Variants in PRMT8 observed in about 807,000 individuals in gnomAD.
The protein encoded by PRMT8 is protein arginine methyltransferase 8.
PRMT8 carries 7 observed loss-of-function variants against 47.1 expected under a neutral mutation model. That is an observed-to-expected ratio of 0.15 (90% confidence interval 0.08 to 0.28). The LOEUF (loss-of-function observed/expected upper bound fraction) is 0.28, where lower values mean the gene tolerates loss of function less well. Ranked by LOEUF, PRMT8 falls within the 10% of genes least tolerant of loss-of-function variation. PRMT8 has a pLI of 1.00. For missense variants in PRMT8, 237 were observed against 505.4 expected, an observed-to-expected ratio of 0.47 and a Z score of 5.09; for synonymous variants, 188 against 186.5, an observed-to-expected ratio of 1.01 and a Z score of -0.07.
At chr12:3,575,275 A>G (rs1866917495) in intron 6 of PRMT8, among the ~76,000 whole-genome samples, 1 of 152,236 alleles carries the variant, frequency 6.6e-6, no homozygotes, top group Non-Finnish European at 1.5e-5. Flanking sequence ...CCACTCTCCT[A>G]AACACACACA....
intron 1 of PRMT8, among the ~76,000 whole-genome samples, chr12:3,510,345 C>T (rs745761548): frequency 3.9e-5 from 6 of 152,222 alleles, no homozygotes; most frequent in Admixed American, 6.5e-5. Flanking sequence ...CTATATATTG[C>T]ACTGTAGGAT....
At chr12:3,512,722 C>T (rs111347509) in intron 1 of PRMT8, among the ~76,000 whole-genome samples, 3,493 of 152,324 alleles carry the variant, frequency 0.023, 139 homozygotes, top group African/African-American at 0.079. Context: ...GTGCCTGTCT[C>T]GTCTCCGCAC....
chr12:3,414,280 A>G (rs908981126), intron 1 of PRMT8, among the ~76,000 whole-genome samples: 1 of 152,208 alleles, frequency 6.6e-6, no homozygotes, highest in African/African-American at 2.4e-5. Context: ...TGCACTCCCC[A>G]AAAGTCTCAC....
chr12:3,552,937 CT>C lies in PRMT8; in HGVS notation c.418-713del. 2.8e-6 allele frequency: 1 copy of C among 353,808 alleles called. No individual in the cohort carries two copies. The highest frequency in any genetic ancestry group is 5.6e-6 in the Non-Finnish European group (1 of 177,298). 21.9% of individuals were successfully genotyped at this position (353,808 alleles called of 1,614,324 possible). A position where few individuals can be genotyped will look rare whatever the true frequency, so the allele number is the denominator to read the frequency against. On this transcript the variant is annotated intron_variant, in intron 3 of 9. Transcript: ENST00000382622. The surrounding 1 kb of genome is among the most constrained non-coding windows in gnomAD (Gnocchi z 4.5). ...AGCTGCCCCTCCATGTCCAGAACCC[CT>C]GGCAGTGTGCCTGAGACGCTAACCC...
chr12:3,476,283 G>T (rs1865212911), intron 1 of PRMT8, among the ~76,000 whole-genome samples: 1 of 152,178 alleles, frequency 6.6e-6, no homozygotes, highest in African/African-American at 2.4e-5. Context: ...TTTCCGCAGA[G>T]GTCTTTAAAA....
At chr12:3,394,339 C>A (rs1864226900) in intron 1 of PRMT8, among the ~76,000 whole-genome samples, 1 of 152,144 alleles carries the variant, frequency 6.6e-6, no homozygotes, top group Admixed American at 6.5e-5. Context: ...ATGATATTGG[C>A]TGTGGGTTTG....
At chr12:3,582,980 C>A in intron 7 of PRMT8, 78 bp from the exon 8 acceptor site, 2 of 1,524,130 alleles carry the variant, frequency 1.3e-6, no homozygotes, top group South Asian at 2.5e-5. Context: ...CAGTCTCTCA[C>A]AGAACGAGGC....
At chr12:3,529,925 C>T (rs1013290410) in intron 1 of PRMT8, among the ~76,000 whole-genome samples, 4 of 152,122 alleles carry the variant, frequency 2.6e-5, no homozygotes, top group Admixed American at 6.5e-5. Context: ...TACACGGGTG[C>T]AAAGAGATGG....
In PRMT8 at chr12:3,552,454, C is replaced by T. The variant is rs1212995155; in HGVS notation, c.418-1197C>T. 1 of 264,652 alleles carries T rather than the reference C, an allele frequency of 3.8e-6. No homozygotes were observed. The highest frequency in any genetic ancestry group is 1.1e-4 in the East Asian group (1 of 9,424). 16.4% of individuals were successfully genotyped at this position (264,652 alleles called of 1,614,324 possible). A position where few individuals can be genotyped will look rare whatever the true frequency, so the allele number is the denominator to read the frequency against. On this transcript the variant is annotated intron_variant, in intron 3 of 9. Coordinates refer to ENST00000382622, the MANE Select transcript of PRMT8 (RefSeq NM_019854.5). This position sits in a 1 kb window ranked among gnomAD's most constrained non-coding sequence, Gnocchi z 4.5. ...GCAGTTAGGAAGGGCAGTGGCCAGG[C>T]ATAAATCCAGGCCTGGCTCCGGGTC...
chr12:3,387,929 A>G (rs1055769688), intron 1 of PRMT8, among the ~76,000 whole-genome samples: 1 of 152,188 alleles, frequency 6.6e-6, no homozygotes, highest in African/African-American at 2.4e-5. Flanking sequence ...AAGATACAAT[A>G]ACCACACTCA....
intron 4 of PRMT8, among the ~76,000 whole-genome samples, chr12:3,555,669 C>T (rs751659057): frequency 2.6e-5 from 4 of 152,150 alleles, no homozygotes; most frequent in Admixed American, 6.5e-5. Flanking sequence ...AGCAGACACA[C>T]GGGAAGAAGC....
At chr12:3,429,876 C>A (rs760733113) in intron 1 of PRMT8, among the ~76,000 whole-genome samples, 28 of 152,224 alleles carry the variant, frequency 1.8e-4, no homozygotes, top group Non-Finnish European at 3.4e-4. Flanking sequence ...TGGTCAGAGT[C>A]CCCCACAGGG....
chr12:3,488,430 T>C (rs1035734549), upstream of PRMT8, among the ~76,000 whole-genome samples: 4 of 152,308 alleles, frequency 2.6e-5, no homozygotes, highest in East Asian at 5.8e-4. Context: ...GTAGGGTCTA[T>C]TGTTTCAAAC....
At chr12:3,581,998 T>G (rs894307975) in intron 7 of PRMT8, among the ~76,000 whole-genome samples, 1 of 152,206 alleles carries the variant, frequency 6.6e-6, no homozygotes, top group Non-Finnish European at 1.5e-5. Flanking sequence ...CTACTAATAA[T>G]TCCATCTTCC....
Position 3,455,902 on chromosome 12 carries a change from C to T in PRMT8, c.48+74460C>T, listed in dbSNP as rs181192413. ...AGTGACACCATAGGTGGGACAGGGC[C>T]GCGTGATGCCGTGAAAACAGCACGT... On this transcript the variant is annotated intron_variant, in intron 1 of 9. Coordinates refer to the PRMT8 transcript ENST00000452611. Among the ~76,000 whole-genome samples the T allele has an allele frequency of 2.3e-3, 350 of 152,204 alleles. 1 individual carries two copies. Among genetic ancestry groups the T allele is most frequent in the Admixed American group, 5.9e-3 (90 of 15,292 alleles).
chr12:3,495,688 A>G (rs919000264), intron 1 of PRMT8, among the ~76,000 whole-genome samples: 6 of 152,178 alleles, frequency 3.9e-5, no homozygotes, highest in African/African-American at 1.4e-4. Context: ...TGTGGGCCTG[A>G]CACACAATAA....
intron 1 of PRMT8, among the ~76,000 whole-genome samples, chr12:3,483,780 T>C (rs1291973309): frequency 1.3e-5 from 2 of 152,086 alleles, no homozygotes; most frequent in Non-Finnish European, 2.9e-5. Flanking sequence ...CAAAGAACAA[T>C]TTTTTTTCAA....
chr12:3,512,545 A>G (rs11062692), intron 1 of PRMT8, among the ~76,000 whole-genome samples: 2 of 152,208 alleles, frequency 1.3e-5, no homozygotes, highest in Admixed American at 1.3e-4. Context: ...GTCAGGAATC[A>G]GACCAGAGGC....
chr12:3,458,735 T>A (rs952068818), intron 1 of PRMT8, among the ~76,000 whole-genome samples: 2 of 152,194 alleles, frequency 1.3e-5, no homozygotes, highest in African/African-American at 4.8e-5. Context: ...CTGCTCTAAC[T>A]GGCTTTGGTG....
Sources: gnomAD v4.1 joint callset for allele counts (sites outside exome capture counted in the v4.1 genomes callset) on GRCh38, gnomAD v4.1.1 for gene constraint, Gnocchi (gnomAD v3.1) non-coding constraint, MANE v1.5 for transcripts, NCBI Gene and HGNC (gene_info 2026-07-23, HGNC 2026-07-21) for gene names.